Variants in PARVB observed in about 807,000 individuals in gnomAD.
PARVB encodes the protein parvin beta.
A neutral mutation model predicts 47.0 loss-of-function variants in PARVB; 46 were observed. That is an observed-to-expected ratio of 0.98 (90% CI 0.77 to 1.25). The LOEUF is 1.25. Among genes scored for constraint, PARVB ranks in the 50% most tolerant of loss-of-function variants. The probability of loss-of-function intolerance (pLI) is 0.00; values close to 1 mark genes in which losing one functional copy is unlikely to be tolerated. For synonymous variants in PARVB, 196 were observed against 196.3 expected (o/e 1.00, Z 0.01); for missense variants, 473 against 471.6 (o/e 1.00, Z -0.03).
At chr22:44,019,611 G>A (rs73178454), upstream of PARVB, among the ~76,000 whole-genome samples, 34 of 152,336 alleles carry the variant, frequency 2.2e-4, no homozygotes, top group Non-Finnish European at 3.8e-4. Context: ...ACGGGTGAGG[G>A]CCGCAGGCTG....
chr22:44,023,135 CCTGTGCCTTCTCTGTCTCCAGCACCTG>C (rs1488197354), upstream of PARVB, among the ~76,000 whole-genome samples: 2 of 152,224 alleles, frequency 1.3e-5, no homozygotes, highest in Non-Finnish European at 2.9e-5. Flanking sequence ...CGTCCGCCTG[CCTGTGCCTTCTCTGTCTCCAGCACCTG>C]CTGAGCAGCC....
At chr22:44,095,044 C>A (rs867395268) in intron 2 of PARVB, among the ~76,000 whole-genome samples, 13 of 146,156 alleles carry the variant, frequency 8.9e-5, no homozygotes, top group African/African-American at 3.2e-4. Flanking sequence ...CCCGTGAGAG[C>A]CCAAGGAAAG....
chr22:44,168,861 A>G lies in PARVB; in HGVS notation c.*183A>G. On this transcript the variant is annotated 3_prime_UTR_variant, in exon 13 of 13. Transcript: ENST00000338758. The stretch of plus-strand genomic sequence containing the variant: ...CCTGCCTCTTTTGGTTGTTGTTCTT[A>G]ATCTCCTCTCCATGTAGTTCCCAGT... The G allele has an allele frequency of 1.8e-6, 1 of 543,738 alleles. No individual in the cohort carries two copies. The highest frequency in any genetic ancestry group is 3.2e-6 in the Non-Finnish European group (1 of 315,580). The allele number at this position is 543,738 out of a possible 1,614,324, so 33.7% of individuals were successfully genotyped here.
At chr22:44,101,282 A>G (rs968619254) in intron 3 of PARVB, among the ~76,000 whole-genome samples, 4 of 151,800 alleles carry the variant, frequency 2.6e-5, no homozygotes, top group Admixed American at 2.0e-4. Flanking sequence ...GGTGGCGGGC[A>G]CCTGTAGTCC....
chr22:44,104,236 G>A (rs1444096202), intron 3 of PARVB: 1 of 152,230 alleles, frequency 6.6e-6, no homozygotes, highest in Non-Finnish European at 1.5e-5. Context: ...GGCAAATTCT[G>A]GAAGGCTCCA....
chr22:44,088,053 T>C (rs1158616782), intron 1 of PARVB, among the ~76,000 whole-genome samples: 1 of 152,060 alleles, frequency 6.6e-6, no homozygotes, highest in Non-Finnish European at 1.5e-5. Flanking sequence ...ACTTTACAGA[T>C]GGAAACTGAG....
chr22:44,115,765 A>G (rs1483212887), intron 3 of PARVB: 1 of 111,226 alleles, frequency 9.0e-6, no homozygotes, highest in Non-Finnish European at 1.8e-5. Context: ...GCCCTGCACC[A>G]ACACAGATAC....
intron 1 of PARVB, among the ~76,000 whole-genome samples, chr22:44,075,393 C>T (rs1482304006): frequency 1.3e-5 from 2 of 152,228 alleles, no homozygotes; most frequent in Non-Finnish European, 2.9e-5. Context: ...CCCCACCACG[C>T]ACACTATCAA....
intron 1 of PARVB, among the ~76,000 whole-genome samples, chr22:44,042,326 T>C (rs5764067): frequency 0.95 from 143,884 of 152,252 alleles, 68,079 homozygotes; most frequent in East Asian, 1. Flanking sequence ...GAGGCTGAGG[T>C]GGGAGAATCG....
At chr22:44,034,590 G>A (rs940986074) in intron 1 of PARVB, among the ~76,000 whole-genome samples, 1 of 151,798 alleles carries the variant, frequency 6.6e-6, no homozygotes, top group Non-Finnish European at 1.5e-5. Context: ...AGCTTAATTT[G>A]AAGTGTCTTC....
At chr22:44,011,223 C>T (rs2050519733) in intron 2 of PARVB, among the ~76,000 whole-genome samples, 1 of 152,160 alleles carries the variant, frequency 6.6e-6, no homozygotes, top group East Asian at 1.9e-4. Flanking sequence ...ATCCTCCTGC[C>T]TCAGCCTCCC....
At chr22:44,160,902 AT>A (rs775926669) in intron 11 of PARVB, among the ~76,000 whole-genome samples, 22 of 151,968 alleles carry the variant, frequency 1.4e-4, no homozygotes, top group Non-Finnish European at 2.6e-4. Context: ...CATGCATCTC[AT>A]CCCCAGCCCC....
chr22:44,119,201 G>T (rs887230806), intron 4 of PARVB, 61 bp downstream of exon 4: 2 of 1,172,772 alleles, frequency 1.7e-6, no homozygotes, highest in African/African-American at 3.0e-5. Flanking sequence ...GCCCTGGGCT[G>T]GGCCAGGATT....
In PARVB at chr22:44,170,114, C is replaced by T. The variant is rs1036154007; in HGVS notation, c.*1436C>T. ...CTCCCAGGCTCAATTGATCCTCCCA[C>T]CTCAGCCTCCCAAGTAGCGGGGACC... On this transcript the variant is annotated 3_prime_UTR_variant, in exon 13 of 13. Transcript: ENST00000338758. 7.1e-6 allele frequency: 1 copy of T among 140,422 alleles called. No homozygotes were observed. The highest frequency in any genetic ancestry group is 3.3e-5 in the African/African-American group (1 of 30,478). The allele number at this position is 140,422 out of a possible 1,614,324, so 8.7% of individuals were successfully genotyped here. A position where few individuals can be genotyped will look rare whatever the true frequency, so the allele number is the denominator to read the frequency against.
chr22:44,018,028 T>C (rs1401577511), intron 2 of PARVB, among the ~76,000 whole-genome samples: 2 of 152,166 alleles, frequency 1.3e-5, no homozygotes, highest in African/African-American at 4.8e-5. Flanking sequence ...CTGCCCTAGA[T>C]GACAGTCTCA....
At chr22:44,065,009 A>C (rs374195772) in intron 1 of PARVB, among the ~76,000 whole-genome samples, 13 of 152,276 alleles carry the variant, frequency 8.5e-5, no homozygotes, top group African/African-American at 3.1e-4. Context: ...GAAGAAAGGA[A>C]AGTGTCATTT....
intron 1 of PARVB, among the ~76,000 whole-genome samples, chr22:44,082,095 C>T (rs2051915250): frequency 6.6e-6 from 1 of 151,998 alleles, no homozygotes; most frequent in Admixed American, 6.6e-5. Context: ...AAACGGGAGG[C>T]AAATGGGGTA....
At chr22:44,037,742 C>G (rs897248654) in intron 1 of PARVB, among the ~76,000 whole-genome samples, 3 of 152,196 alleles carry the variant, frequency 2.0e-5, no homozygotes, top group African/African-American at 7.2e-5. Context: ...CCAGCTGGCT[C>G]CTAGTAAGCT....
intron 4 of PARVB, among the ~76,000 whole-genome samples, chr22:44,122,856 T>A (rs1398174423): frequency 6.6e-6 from 1 of 152,272 alleles, no homozygotes; most frequent in Non-Finnish European, 1.5e-5. Flanking sequence ...GGCTGCATTG[T>A]ACTCCACTGT....
Sources: allele counts gnomAD v4.1 joint callset (sites outside exome capture counted in the v4.1 genomes callset), GRCh38; gene constraint gnomAD v4.1.1; transcripts MANE v1.5; gene names NCBI Gene and HGNC (gene_info 2026-07-23, HGNC 2026-07-21).